Variants in IKZF2 observed in about 807,000 individuals in gnomAD.
IKZF2 encodes zinc finger protein Helios.
A neutral mutation model predicts 49.2 loss-of-function variants in IKZF2; 15 were observed. That is an observed-to-expected ratio of 0.30 (90% CI 0.20 to 0.47). IKZF2 has a LOEUF of 0.47. IKZF2 is among the 20% of genes least tolerant of loss of function. The pLI is 1.00. For missense variants in IKZF2, 567 were observed against 664.6 expected, an observed-to-expected ratio of 0.85 and a Z score of 1.61; for synonymous variants, 227 against 221.4, an observed-to-expected ratio of 1.03 and a Z score of -0.23.
At chr2:213,111,312 G>A (rs1236963544) in intron 4 of IKZF2, among the ~76,000 whole-genome samples, 1 of 151,850 alleles carries the variant, frequency 6.6e-6, no homozygotes, top group African/African-American at 2.4e-5. Context: ...AAGCAATATT[G>A]CATCTACCTG....
At position 213,148,659 on chromosome 2, in the gene IKZF2, A is replaced by T; in HGVS notation, c.-15-15T>A. 6.2e-7 allele frequency: 1 copy of T among 1,600,998 alleles called. No individual in the cohort carries two copies. Among genetic ancestry groups the T allele is most frequent in the Non-Finnish European group, 8.6e-7 (1 of 1,168,366 alleles). Reference sequence around the variant, plus strand: ...AAAGTGCAATGCTGCAAAACAAAAGATTATACCCTTAATACAATGATTCCT... The same window carrying T: ...AAAGTGCAATGCTGCAAAACAAAAGTTTATACCCTTAATACAATGATTCCT... On this transcript the variant is annotated splice_polypyrimidine_tract_variant and intron_variant, in intron 2 of 8. Coordinates refer to ENST00000434687, the MANE Select transcript of IKZF2 (RefSeq NM_001387220.1).
At chr2:213,113,395 C>T (rs2059775039) in intron 4 of IKZF2, among the ~76,000 whole-genome samples, 1 of 152,100 alleles carries the variant, frequency 6.6e-6, no homozygotes, top group Non-Finnish European at 1.5e-5. Flanking sequence ...GATCTTATCT[C>T]TTCCTTAACT....
intron 4 of IKZF2, among the ~76,000 whole-genome samples, chr2:213,106,642 TAAAAAAAA>T: frequency 7.9e-6 from 1 of 126,678 alleles, no homozygotes; most frequent in South Asian, 2.5e-4. Context: ...AAACCCTGTC[TAAAAAAAA>T]AAAAAAGAAA....
At position 213,091,901 on chromosome 2, in the gene IKZF2, CGT is replaced by C. The variant is rs763667949; in HGVS notation, c.140-34804_140-34803del. 1.3e-3 allele frequency among the ~76,000 whole-genome samples: 190 copies of C among 145,700 alleles called. 2 individuals carry two copies. Among genetic ancestry groups the C allele is most frequent in the African/African-American group, 2.8e-3 (110 of 38,758 alleles). On this transcript the variant is annotated intron_variant, in intron 4 of 8. Transcript: ENST00000434687. The stretch of plus-strand genomic sequence containing the variant: ...AGTATAAGCTGTGTGTGTGTGTGTG[CGT>C]GTGTGTGTGTGTATGTGTGTGTGTA...
chr2:213,129,607 G>C (rs1245233635), intron 4 of IKZF2, among the ~76,000 whole-genome samples: 4 of 152,020 alleles, frequency 2.6e-5, no homozygotes, highest in African/African-American at 7.2e-5. Flanking sequence ...AATTTTAGTT[G>C]TATTCTAGTT....
intron 7 of IKZF2, among the ~76,000 whole-genome samples, chr2:213,017,790 C>T (rs984538592): frequency 2.6e-5 from 4 of 152,154 alleles, no homozygotes; most frequent in Non-Finnish European, 4.4e-5. Context: ...CTCCATAATG[C>T]TTATCACATA....
At chr2:213,147,388 A>C (rs2061112327) in intron 4 of IKZF2, 1 of 534,458 alleles carries the variant, frequency 1.9e-6, no homozygotes, top group Admixed American at 3.4e-5. Context: ...ACGTTTCCAC[A>C]TTTTTTACCC....
In IKZF2 at chr2:213,002,900, C is replaced by T. The variant is rs1247273139; in HGVS notation, c.*4460G>A. ...TTCTTCCTTAAAAACAAAACAAAAA[C>T]ACAAATTATAATTCAATTCACAGGT... On this transcript the variant is annotated 3_prime_UTR_variant, in exon 9 of 9. Transcript: ENST00000434687. The T allele has an allele frequency of 6.6e-6, 1 of 151,854 alleles. No homozygotes were observed. The highest frequency in any genetic ancestry group is 6.6e-5 in the Admixed American group (1 of 15,166). 9.4% of individuals were successfully genotyped at this position (151,854 alleles called of 1,614,324 possible).
At chr2:213,021,933 C>CTTA (rs1574508727) in intron 7 of IKZF2, 60 bp downstream of exon 7, 1 of 815,286 alleles carries the variant, frequency 1.2e-6, no homozygotes, top group South Asian at 2.3e-5. Flanking sequence ...ATTTTATCTT[C>CTTA]ATGTTGAACT....
intron 4 of IKZF2, among the ~76,000 whole-genome samples, chr2:213,124,238 GCTCGCGCGCGCGCGCACACACACACACA>G (rs2060156465): frequency 1.7e-5 from 2 of 117,374 alleles, no homozygotes; most frequent in Non-Finnish European, 3.3e-5. Flanking sequence ...GCACACATGC[GCTCGCGCGCGCGCGCACACACACACACA>G]CACACACACA....
chr2:213,022,888 T>A (rs992875844), intron 6 of IKZF2, among the ~76,000 whole-genome samples: 2 of 152,172 alleles, frequency 1.3e-5, no homozygotes, highest in Non-Finnish European at 2.9e-5. Context: ...AGCCATTATC[T>A]CAGTGTCATT....
chr2:213,137,526 G>C (rs1364150153), intron 4 of IKZF2, among the ~76,000 whole-genome samples: 1 of 151,994 alleles, frequency 6.6e-6, no homozygotes, highest in Non-Finnish European at 1.5e-5. Context: ...AATAGAAATA[G>C]ACCTTTTACA....
intron 4 of IKZF2, among the ~76,000 whole-genome samples, chr2:213,059,676 C>T (rs1701496033): frequency 1.3e-5 from 2 of 151,522 alleles, no homozygotes; most frequent in Admixed American, 6.6e-5. Flanking sequence ...GAACCTGAAA[C>T]TATGAGTCTT....
chr2:213,070,572 A>G (rs1702590291), intron 4 of IKZF2, among the ~76,000 whole-genome samples: 2 of 152,132 alleles, frequency 1.3e-5, no homozygotes, highest in African/African-American at 4.8e-5. Context: ...TTTATCAAAT[A>G]CCAATTTATA....
intron 4 of IKZF2, among the ~76,000 whole-genome samples, chr2:213,134,278 A>G (rs918740987): frequency 4.6e-5 from 7 of 152,204 alleles, no homozygotes; most frequent in African/African-American, 1.7e-4. Context: ...AAGAGGGGGA[A>G]AAAAAGCAGA....
chr2:213,032,490 T>C (rs943411248), intron 6 of IKZF2, among the ~76,000 whole-genome samples: 1 of 152,112 alleles, frequency 6.6e-6, no homozygotes, highest in Non-Finnish European at 1.5e-5. Context: ...TACAAGCACT[T>C]TGGGAAGTGG....
chr2:213,050,762 T>C (rs1700605242), intron 5 of IKZF2, among the ~76,000 whole-genome samples: 1 of 152,044 alleles, frequency 6.6e-6, no homozygotes, highest in Non-Finnish European at 1.5e-5. Context: ...TGTCATCAAA[T>C]ATAAAAACAT....
At chr2:213,087,085 T>C (rs1401394868) in intron 4 of IKZF2, among the ~76,000 whole-genome samples, 1 of 152,130 alleles carries the variant, frequency 6.6e-6, no homozygotes, top group Non-Finnish European at 1.5e-5. Context: ...AGTGGTAATC[T>C]TAGGTTTTGA....
At chr2:213,124,254 A>ACG (rs1325589066) in intron 4 of IKZF2, among the ~76,000 whole-genome samples, 4 of 73,420 alleles carry the variant, frequency 5.4e-5, no homozygotes, top group East Asian at 7.3e-4. Context: ...GCGCGCGCGC[A>ACG]CACACACACA....
Sources: gnomAD v4.1 joint callset for allele counts (sites outside exome capture counted in the v4.1 genomes callset) on GRCh38, gnomAD v4.1.1 for gene constraint, MANE v1.5 for transcripts, NCBI Gene and HGNC (gene_info 2026-07-23, HGNC 2026-07-21) for gene names.